The following LRP1B variants were observed in gnomAD, a reference collection of about 807,000 sequenced individuals.
The protein encoded by LRP1B is LDL receptor related protein 1B, also known as low-density lipoprotein receptor-related protein 1B.
LRP1B carries 217 observed loss-of-function variants against 556.6 expected under a neutral mutation model. That is an observed-to-expected ratio of 0.39 (90% CI 0.35 to 0.44). The LOEUF is 0.44. Among genes scored for constraint, LRP1B ranks in the 20% least tolerant of loss-of-function variants. The probability of loss-of-function intolerance (pLI) is 1.00; values close to 1 mark genes in which losing one functional copy is unlikely to be tolerated. For synonymous variants in LRP1B, 2,047 were observed against 1,865.8 expected (o/e 1.10, Z -2.50); for missense variants, 5,053 against 5,620.8 (o/e 0.90, Z 3.23).
At position 141,229,341 on chromosome 2, in the gene LRP1B, T is replaced by C. The variant is rs376801765; in HGVS notation, c.692A>G (p.Asn231Ser). Residue 231 changes from asparagine to serine, a missense_variant, in exon 6 of 91, where the codon AAT becomes AGT. Physicochemically the swap from Asn to Ser is conservative, Grantham distance 46 (BLOSUM62 1). Coordinates refer to ENST00000389484, the MANE Select transcript of LRP1B (RefSeq NM_018557.3). ...ATCCAGAGTATGAATTTCATTTCCA[T>C]TGACTGAGCTTAGAGTTGCCATTTT... ...GSKMATLSSVNGNEIHTLDFI... is the reference protein window; with the variant it reads ...GSKMATLSSVSGNEIHTLDFI... 1.3e-5 allele frequency: 21 copies of C among 1,612,826 alleles called. No homozygotes were observed. The Middle Eastern group carries it at 6.6e-4, about 51-fold the overall frequency.
intron 2 of LRP1B, among the ~76,000 whole-genome samples, chr2:141,741,054 C>G (rs1388679079): frequency 1.3e-5 from 2 of 151,998 alleles, no homozygotes; most frequent in Non-Finnish European, 2.9e-5. Flanking sequence ...TTTCACTTAA[C>G]CTAATAATTG....
intron 77 of LRP1B, among the ~76,000 whole-genome samples, chr2:140,344,353 C>T (rs1178051638): frequency 2.6e-5 from 4 of 151,754 alleles, no homozygotes; most frequent in Non-Finnish European, 5.9e-5. Context: ...GCAAAGCTAA[C>T]ATAAAGTAGC....
chr2:140,469,639 C>T (rs1033979620), intron 60 of LRP1B, among the ~76,000 whole-genome samples: 1 of 152,090 alleles, frequency 6.6e-6, no homozygotes, highest in African/African-American at 2.4e-5. Context: ...TTTACCTGTC[C>T]AATACTTGAA....
chr2:141,908,417 C>T (rs781684249), intron 1 of LRP1B, among the ~76,000 whole-genome samples: 2 of 151,834 alleles, frequency 1.3e-5, no homozygotes, highest in Non-Finnish European at 2.9e-5. Flanking sequence ...ACAGATAAGA[C>T]AGGTAAGATT....
At chr2:140,822,627 G>C (rs538860549) in intron 31 of LRP1B, among the ~76,000 whole-genome samples, 4 of 152,278 alleles carry the variant, frequency 2.6e-5, no homozygotes, top group Non-Finnish European at 4.4e-5. Flanking sequence ...GATACTCCTG[G>C]CTGCTTAGAA....
At chr2:141,229,478 G>A (rs2105294757) in intron 5 of LRP1B, 38 bp from the exon 6 acceptor site, 1 of 1,403,262 alleles carries the variant, frequency 7.1e-7, no homozygotes, top group East Asian at 2.3e-5. Flanking sequence ...AATTCAGTAA[G>A]AGTCAAGATT....
At chr2:141,625,038 G>A (rs1243237459) in intron 2 of LRP1B, among the ~76,000 whole-genome samples, 1 of 152,204 alleles carries the variant, frequency 6.6e-6, no homozygotes, top group African/African-American at 2.4e-5. Flanking sequence ...AAAGTGCTGG[G>A]ATTACAGGCG....
intron 49 of LRP1B, among the ~76,000 whole-genome samples, chr2:140,520,798 G>GAAAAAAAAAAAAAAAAAAAAAAAAAAAA (rs757383865): frequency 2.3e-5 from 2 of 86,450 alleles, no homozygotes; most frequent in African/African-American, 4.5e-5. Context: ...TAAGAAAACA[G>GAAAAAAAAAAAAAAAAAAAAAAAAAAAA]AAAAAAAAAA....
intron 1 of LRP1B, among the ~76,000 whole-genome samples, chr2:141,879,265 T>G (rs557906319): frequency 6.6e-5 from 10 of 151,936 alleles, no homozygotes; most frequent in African/African-American, 2.2e-4. Context: ...ACACATATGA[T>G]TCTGATATCT....
intron 53 of LRP1B, among the ~76,000 whole-genome samples, chr2:140,504,746 T>C (rs1018700331): frequency 6.6e-6 from 1 of 152,206 alleles, no homozygotes; most frequent in African/African-American, 2.4e-5. Context: ...CATGTCCTAC[T>C]GTAAATGAAG....
intron 2 of LRP1B, among the ~76,000 whole-genome samples, chr2:141,738,564 A>T (rs1693579207): frequency 6.6e-6 from 1 of 152,176 alleles, no homozygotes; most frequent in Non-Finnish European, 1.5e-5. Context: ...AACACAGATG[A>T]ATCTTATCTT....
At chr2:140,863,503 A>G (rs1045282365) in intron 27 of LRP1B, among the ~76,000 whole-genome samples, 1 of 152,204 alleles carries the variant, frequency 6.6e-6, no homozygotes, top group African/African-American at 2.4e-5. Flanking sequence ...ACATCATTGG[A>G]ACCATTTATC....
rs142186249 is a variant in LRP1B, at chr2:140,419,151, C to A, written c.10414+23353G>T. Among the ~76,000 whole-genome samples the A allele has an allele frequency of 1.4e-4, 22 of 152,142 alleles. No homozygotes were observed. The East Asian group carries it at 4.3e-3, about 29-fold the overall frequency. On this transcript the variant is annotated intron_variant, in intron 66 of 90. Coordinates refer to ENST00000389484, the MANE Select transcript of LRP1B (RefSeq NM_018557.3). Reference sequence around the variant, plus strand: ...CATGCTAATAATAATCAAAAGAAACCTGGAGAGGCCACAATCATATCAAAG... The same window carrying A: ...CATGCTAATAATAATCAAAAGAAACATGGAGAGGCCACAATCATATCAAAG...
At chr2:141,852,364 G>C (rs1697894542) in intron 1 of LRP1B, among the ~76,000 whole-genome samples, 1 of 151,606 alleles carries the variant, frequency 6.6e-6, no homozygotes, top group South Asian at 2.1e-4. Flanking sequence ...TGGTTAGCAG[G>C]ATAAAGTGAT....
intron 1 of LRP1B, among the ~76,000 whole-genome samples, chr2:141,951,024 A>G (rs1276314635): frequency 1.3e-5 from 2 of 152,186 alleles, no homozygotes; most frequent in South Asian, 2.1e-4. Flanking sequence ...ATTTCTGTAC[A>G]GTAAAATCTA....
intron 5 of LRP1B, among the ~76,000 whole-genome samples, chr2:141,235,788 C>G (rs780536923): frequency 3.9e-5 from 6 of 152,046 alleles, no homozygotes; most frequent in Non-Finnish European, 4.4e-5. Context: ...CCCTTTGATT[C>G]GGCTAATATT....
At chr2:141,208,876 C>CAAAAAA (rs57659094) in intron 6 of LRP1B, among the ~76,000 whole-genome samples, 11 of 65,486 alleles carry the variant, frequency 1.7e-4, no homozygotes, top group Non-Finnish European at 2.2e-4. Context: ...GATTCCGTCT[C>CAAAAAA]AAAAAAAAAA....
chr2:141,824,511 C>CCCGCCA (rs1447103152), intron 1 of LRP1B, among the ~76,000 whole-genome samples: 1 of 152,140 alleles, frequency 6.6e-6, no homozygotes. Flanking sequence ...ACTACAGGCG[C>CCCGCCA]CCGCCACCGT....
intron 35 of LRP1B, among the ~76,000 whole-genome samples, chr2:140,747,691 A>G (rs996029117): frequency 1.3e-5 from 2 of 152,092 alleles, no homozygotes; most frequent in African/African-American, 4.8e-5. Flanking sequence ...TGGAATAGGT[A>G]AGGTCTTAAA....
Sources: gnomAD v4.1 joint callset for allele counts (sites outside exome capture counted in the v4.1 genomes callset) on GRCh38, gnomAD v4.1.1 for gene constraint, MANE v1.5 for transcripts, NCBI Gene and HGNC (gene_info 2026-07-23, HGNC 2026-07-21) for gene names.